Variants in RYR1 observed in about 807,000 individuals in gnomAD.
RYR1 encodes ryanodine receptor 1.
A neutral mutation model predicts 583.5 loss-of-function variants in RYR1; 342 were observed. The observed-to-expected ratio is 0.59, with a 90% CI of 0.54 to 0.64. The LOEUF is 0.64. Among genes scored for constraint, RYR1 ranks in the 30% least tolerant of loss-of-function variants. The pLI is 0.00. For missense variants in RYR1, 6,032 were observed against 6,917.2 expected (o/e 0.87, Z 4.54); for synonymous variants, 2,791 against 2,822.5 (o/e 0.99, Z 0.35).
At chr19:38,571,327 C>T (rs1973703021) in intron 94 of RYR1, among the ~76,000 whole-genome samples, 2 of 152,114 alleles carry the variant, frequency 1.3e-5, no homozygotes, top group South Asian at 4.1e-4. Context: ...CCTCTTAGAG[C>T]TGTGGGGATT....
chr19:38,546,042 T>C (rs993068861), intron 87 of RYR1, among the ~76,000 whole-genome samples: 2 of 152,114 alleles, frequency 1.3e-5, no homozygotes, highest in Non-Finnish European at 2.9e-5. Flanking sequence ...TCACACATTA[T>C]ATTCAACATA....
chr19:38,552,114 C>A (rs2176432), intron 89 of RYR1, among the ~76,000 whole-genome samples: 148,272 of 152,008 alleles, frequency 0.98, 72,339 homozygotes, highest in East Asian at 1. Flanking sequence ...CACCCGGCTA[C>A]TTTTATTTAT....
chr19:38,477,342 C>T lies in RYR1; in HGVS notation c.4294-368C>T, dbSNP rs141638236. 1.2e-4 allele frequency among the ~76,000 whole-genome samples: 19 copies of T among 152,162 alleles called. No homozygotes were observed. The East Asian group carries it at 3.7e-3, about 30-fold the overall frequency. ...ACTTTTAGTAGAGACAGAGTTTCAC[C>T]ATATTGGTCAGGCTGGTCTCAAACT... On this transcript the variant is annotated intron_variant, in intron 29 of 105. Transcript: ENST00000359596.
intron 71 of RYR1, 113 bp from the exon 72 acceptor site, chr19:38,526,880 A>G (rs771703328): frequency 5.7e-5 from 65 of 1,133,938 alleles, no homozygotes; most frequent in Non-Finnish European, 8.1e-5. Flanking sequence ...CCCCACCCCC[A>G]CCCCAGAAAA....
intron 20 of RYR1, 124 bp downstream of exon 20, chr19:38,460,715 C>T (rs1266770246): frequency 1.3e-4 from 122 of 923,946 alleles, no homozygotes; most frequent in Admixed American, 6.2e-5. Flanking sequence ...TGGTGGCTCA[C>T]GCCTGTAAGC....
At chr19:38,545,045 A>G (rs902044936) in intron 87 of RYR1, among the ~76,000 whole-genome samples, 1 of 152,056 alleles carries the variant, frequency 6.6e-6, no homozygotes, top group African/African-American at 2.4e-5. Context: ...CCTAGAGGGA[A>G]GAGATCTCCT....
chr19:38,585,392 A>G (rs1250629436), intron 102 of RYR1, among the ~76,000 whole-genome samples: 2 of 145,472 alleles, frequency 1.4e-5, no homozygotes, highest in East Asian at 2.0e-4. Flanking sequence ...ATATATGTTT[A>G]TTTATATATA....
intron 34 of RYR1, among the ~76,000 whole-genome samples, chr19:38,488,435 T>C (rs895634094): frequency 6.6e-6 from 1 of 152,136 alleles, no homozygotes; most frequent in African/African-American, 2.4e-5. Flanking sequence ...TCTCTCTCTC[T>C]CCCCTGCACT....
At chr19:38,450,856 G>T (rs928680700) in intron 11 of RYR1, among the ~76,000 whole-genome samples, 1 of 152,090 alleles carries the variant, frequency 6.6e-6, no homozygotes, top group Non-Finnish European at 1.5e-5. Flanking sequence ...CTTTTCTATC[G>T]GCACATTCCC....
Position 38,464,732 on chromosome 19 carries a change from G to A in RYR1, c.2870+10G>A. 2 of 1,570,484 alleles carry A rather than the reference G, an allele frequency of 1.3e-6. No homozygotes were observed. The highest frequency in any genetic ancestry group is 2.3e-5 in the South Asian group (2 of 85,428). On this transcript the variant is annotated intron_variant, in intron 23 of 105. Transcript: ENST00000359596. The stretch of plus-strand genomic sequence containing the variant: ...CAAAACTCCCCAAGACGTGAGTGTG[G>A]GCAGCCAGGTCCCGTCTGGGGATGG...
chr19:38,435,577 C>CA lies in RYR1; in HGVS notation c.45+1710dup, dbSNP rs952890288. ...TGAAACCCCGTCTCTACTAAAAATA[C>CA]AAAAAAATATTAGCCAGGCGTGGTG... On this transcript the variant is annotated intron_variant, in intron 1 of 105. Coordinates refer to ENST00000359596, the MANE Select transcript of RYR1 (RefSeq NM_000540.3). Among the ~76,000 whole-genome samples, 8 of 152,126 alleles carry CA rather than the reference C, an allele frequency of 5.3e-5. No homozygotes were observed. The East Asian group carries it at 1.2e-3, about 22-fold the overall frequency.
chr19:38,581,860 G>C (rs893314635), intron 101 of RYR1, among the ~76,000 whole-genome samples: 1 of 151,856 alleles, frequency 6.6e-6, no homozygotes, highest in Non-Finnish European at 1.5e-5. Context: ...CACCCACCTC[G>C]GCCTCCCAAA....
At chr19:38,575,398 G>A (rs923158120) in intron 96 of RYR1, among the ~76,000 whole-genome samples, 3 of 152,232 alleles carry the variant, frequency 2.0e-5, no homozygotes, top group Non-Finnish European at 4.4e-5. Flanking sequence ...GGTGGCTCAC[G>A]CCTGTAATCC....
intron 34 of RYR1, among the ~76,000 whole-genome samples, chr19:38,487,572 T>A (rs1969356900): frequency 6.6e-6 from 1 of 152,188 alleles, no homozygotes; most frequent in South Asian, 2.1e-4. Context: ...CAGGCTGGTC[T>A]TGAACTCCTG....
chr19:38,564,535 T>C (rs552070376), intron 90 of RYR1, among the ~76,000 whole-genome samples: 541 of 151,890 alleles, frequency 3.6e-3, no homozygotes, highest in Non-Finnish European at 6.7e-3. Flanking sequence ...TTTTTTTTCT[T>C]GAGACAGACT....
chr19:38,466,200 G>T lies in RYR1; in HGVS notation c.2980G>T (p.Val994Leu). Residue 994 changes from valine to leucine, a missense_variant, in exon 24 of 106, where the codon GTG (valine) becomes TTG (leucine). Physicochemically the swap from Val to Leu is conservative, Grantham distance 32. Around this residue, in one of 11 missense-constraint regions of RYR1, gnomAD observed 2,627 missense variants for 2,961.3 expected, o/e 0.89. Transcript: ENST00000359596. ...CCGTCTGGCAGAAAATGGGCACAAC[G>T]TGTGGGCCCGAGACCGCGTGGGCCA... ...VDRLAENGHN[V>L]WARDRVGQGW... 3.7e-6 allele frequency: 6 copies of T among 1,613,482 alleles called. No individual in the cohort carries two copies. The highest frequency in any genetic ancestry group is 5.1e-6 in the Non-Finnish European group (6 of 1,179,950).
chr19:38,463,617 C>A, intron 21 of RYR1, 90 bp downstream of exon 21: 1 of 1,472,908 alleles, frequency 6.8e-7, no homozygotes, highest in Non-Finnish European at 9.5e-7. Context: ...AGGGAGGGAC[C>A]ACAGGGCACC....
At position 38,584,748 on chromosome 19, in the gene RYR1, G is replaced by A. The variant is rs1200318566; in HGVS notation, c.14647-195G>A. On this transcript the variant is annotated intron_variant, in intron 101 of 105. Transcript: ENST00000359596. ...CAACCTGGCCCTCACCCCCCTGCCCGTGCTGTTCCTGTCACAGCCCTGACC... is the reference window on the plus strand; with the variant it reads ...CAACCTGGCCCTCACCCCCCTGCCCATGCTGTTCCTGTCACAGCCCTGACC... Among the ~76,000 whole-genome samples the A allele has an allele frequency of 7.0e-5, 10 of 143,430 alleles. No individual in the cohort carries two copies. The East Asian group carries it at 1.4e-3, about 21-fold the overall frequency. The allele number at this position is 143,430 out of a possible 152,430, so 94.1% of individuals were successfully genotyped here.
intron 84 of RYR1, among the ~76,000 whole-genome samples, 161 bp downstream of exon 84, chr19:38,538,121 G>A (rs1378499785): frequency 2.0e-5 from 3 of 152,148 alleles, no homozygotes; most frequent in African/African-American, 7.2e-5. Context: ...CTGGAGGCTG[G>A]GCGCAGTGAC....
Sources: gnomAD v4.1 joint callset for allele counts (sites outside exome capture counted in the v4.1 genomes callset) on GRCh38, gnomAD v4.1.1 for gene constraint, gnomAD v4.1.1 regional missense constraint, MANE v1.5 for transcripts, NCBI Gene and HGNC (gene_info 2026-07-23, HGNC 2026-07-21) for gene names.